ARFGEF3: variants seen among roughly 807,000 people sequenced by gnomAD.
The protein encoded by ARFGEF3 is brefeldin A-inhibited guanine nucleotide-exchange protein 3.
Under a neutral mutation model 221.7 loss-of-function variants are expected in ARFGEF3, and 96 were observed. That is an observed-to-expected ratio of 0.43 (90% CI 0.37 to 0.51). The LOEUF (loss-of-function observed/expected upper bound fraction) is 0.51, where lower values mean the gene tolerates loss of function less well. Ranked by LOEUF, ARFGEF3 falls within the 20% of genes least tolerant of loss-of-function variation. ARFGEF3 has a pLI of 0.00. For synonymous variants in ARFGEF3, 1,145 were observed against 1,126.8 expected, an observed-to-expected ratio of 1.02 and a Z score of -0.32; for missense variants, 2,410 against 2,789.9, an observed-to-expected ratio of 0.86 and a Z score of 3.07.
At chr6:138,241,809 A>G (rs1001059364) in intron 6 of ARFGEF3, among the ~76,000 whole-genome samples, 2 of 152,262 alleles carry the variant, frequency 1.3e-5, no homozygotes, top group East Asian at 1.9e-4. Flanking sequence ...AGGACAGACG[A>G]TAATTTTGAT....
Position 138,343,521 on chromosome 6 carries a change from G to A in ARFGEF3, c.*7035G>A, listed in dbSNP as rs1780466597. ...TTTTTGGAAATTATGTGTGCATTTAGTTCTTTTAGTAACACTGATTTTAAA... is the reference window on the plus strand; with the variant it reads ...TTTTTGGAAATTATGTGTGCATTTAATTCTTTTAGTAACACTGATTTTAAA... On this transcript the variant is annotated 3_prime_UTR_variant, in exon 34 of 34. Coordinates refer to ENST00000251691, the MANE Select transcript of ARFGEF3 (RefSeq NM_020340.5). 1 of 151,338 alleles carries A rather than the reference G, an allele frequency of 6.6e-6. No homozygotes were observed. Among genetic ancestry groups the A allele is most frequent in the Non-Finnish European group, 1.5e-5 (1 of 67,896 alleles). 9.4% of individuals were successfully genotyped at this position (151,338 alleles called of 1,614,324 possible). A position where few individuals can be genotyped will look rare whatever the true frequency, so the allele number is the denominator to read the frequency against.
chr6:138,321,201 CCA>C lies in ARFGEF3; in HGVS notation c.4743_4744del (p.Arg1582SerfsTer7). 1.9e-6 allele frequency: 3 copies of C among 1,554,562 alleles called. No individual in the cohort carries two copies. Among genetic ancestry groups the C allele is most frequent in the Non-Finnish European group, 2.6e-6 (3 of 1,146,460 alleles). Reference sequence around the variant, plus strand: ...GTGGCCAAGCCCACTGAAACCATCTCCAGAGTGGGCTGCTCCTGTATTAGGTG... The same window carrying C: ...GTGGCCAAGCCCACTGAAACCATCTCGAGTGGGCTGCTCCTGTATTAGGTG... On this transcript the variant is annotated frameshift_variant, in exon 29 of 34. Transcript: ENST00000251691. LOFTEE classifies it high-confidence loss of function.
chr6:138,296,930 G>C lies in ARFGEF3; in HGVS notation c.3623G>C (p.Ser1208Thr). The C allele has an allele frequency of 2.5e-6, 4 of 1,613,606 alleles. No homozygotes were observed. The highest frequency in any genetic ancestry group is 3.4e-6 in the Non-Finnish European group (4 of 1,179,758). ...CTGCTCCACGTGATGCGCTGCTGGA[G>C]CCTTGTGGCCCCACACCTGGTGGAG... ...RPLLHVMRCWSLVAPHLVEAA... is the reference protein window; with the variant it reads ...RPLLHVMRCWTLVAPHLVEAA... The change falls in exon 21 of 34, where the codon AGC becomes ACC. Residue 1208 changes from serine (S) to threonine (T), a missense_variant. Around this residue, in one of 5 missense-constraint regions of ARFGEF3, gnomAD observed 723 missense variants for 991.9 expected, o/e 0.73. Transcript: ENST00000251691.
At chr6:138,312,164 A>T (rs868485534) in intron 25 of ARFGEF3, among the ~76,000 whole-genome samples, 18 of 152,040 alleles carry the variant, frequency 1.2e-4, no homozygotes, top group East Asian at 3.9e-4. Flanking sequence ...TCAAAAAAAA[A>T]TTTTTTTTAA....
At chr6:138,212,735 A>G (rs1777755460) in intron 4 of ARFGEF3, among the ~76,000 whole-genome samples, 1 of 152,228 alleles carries the variant, frequency 6.6e-6, no homozygotes. Context: ...AGGGACATGG[A>G]TGAAGCTGAA....
chr6:138,334,510 C>T lies in ARFGEF3; in HGVS notation c.5664C>T (p.Ser1888=). ...GGCGGGCACGGATGCCCTTGCTCAG[C>T]GTCCAGCCTGTCAGCAACGCAGATT... is the stretch of plus-strand genomic sequence containing the variant. ...RQWRARMPLL[S]VQPVSNADWV... The change falls in exon 33 of 34, where the codon AGC becomes AGT. Residue 1888 remains serine, a synonymous_variant. Transcript: ENST00000251691. This position sits in a 1 kb window ranked among gnomAD's most constrained non-coding sequence, Gnocchi z 5.1. 2 of 1,611,678 alleles carry T rather than the reference C, an allele frequency of 1.2e-6. No individual in the cohort carries two copies.
intron 14 of ARFGEF3, among the ~76,000 whole-genome samples, chr6:138,282,888 A>C (rs1779222730): frequency 6.6e-6 from 1 of 152,016 alleles, no homozygotes; most frequent in African/African-American, 2.4e-5. Context: ...ATCTCTACAA[A>C]AAAAATACAA....
intron 31 of ARFGEF3, among the ~76,000 whole-genome samples, chr6:138,326,179 C>A (rs1162256279): frequency 6.6e-6 from 1 of 151,816 alleles, no homozygotes; most frequent in African/African-American, 2.4e-5. Context: ...CTTAATACTT[C>A]TCTATTTCTT....
Position 138,255,713 on chromosome 6 carries a change from G to A in ARFGEF3, c.1048G>A (p.Val350Met). 6.2e-7 allele frequency: 1 copy of A among 1,610,122 alleles called. No individual in the cohort carries two copies. The highest frequency in any genetic ancestry group is 8.5e-7 in the Non-Finnish European group (1 of 1,177,492). The change falls in exon 10 of 34, where the codon GTG (valine) becomes ATG (methionine). Residue 350 changes from valine (V) to methionine (M), a missense_variant. Around this residue, in one of 5 missense-constraint regions of ARFGEF3, gnomAD observed 570 missense variants for 586.9 expected, o/e 0.97. Transcript: ENST00000251691. ...KPVLQSLYHR[V>M]LLYPPPQHRV... ...CGTGCTCCAGTCCCTCTACCACCGA[G>A]TGCTGCTCTACCCCCCACCCCAGCA... is the stretch of plus-strand genomic sequence containing the variant.
chr6:138,291,915 C>A lies in ARFGEF3; in HGVS notation c.3230C>A (p.Pro1077His). ...CAGGGGCGCTCCCTGAGCACGGCCCCTGTCGTCCAGCCCCTGTCCATCCAG... is the reference window on the plus strand; with the variant it reads ...CAGGGGCGCTCCCTGAGCACGGCCCATGTCGTCCAGCCCCTGTCCATCCAG... ...PEQGRSLSTA[P>H]VVQPLSIQDL... is the part of the protein sequence containing the mutation. Residue 1077 changes from proline (P) to histidine (H), a missense_variant, in exon 19 of 34, where the codon CCT becomes CAT. By Grantham distance (77) the Pro-to-His change is moderately conservative. Around this residue, in one of 5 missense-constraint regions of ARFGEF3, gnomAD observed 184 missense variants for 141.8 expected, o/e 1.30. Coordinates refer to ENST00000251691, the MANE Select transcript of ARFGEF3 (RefSeq NM_020340.5). The surrounding 1 kb of genome is among the most constrained non-coding windows in gnomAD (Gnocchi z 4.5). 6.7e-7 allele frequency: 1 copy of A among 1,491,352 alleles called. No homozygotes were observed. Among genetic ancestry groups the A allele is most frequent in the Non-Finnish European group, 9.0e-7 (1 of 1,116,768 alleles). The allele number at this position is 1,491,352 out of a possible 1,614,324, so 92.4% of individuals were successfully genotyped here.
intron 26 of ARFGEF3, among the ~76,000 whole-genome samples, chr6:138,314,465 G>A (rs1366761825): frequency 1.3e-5 from 2 of 152,050 alleles, no homozygotes; most frequent in Admixed American, 6.6e-5. Context: ...TCTCACATGC[G>A]GAATACATTA....
chr6:138,164,103 G>T (rs1445107186), intron 1 of ARFGEF3, among the ~76,000 whole-genome samples: 1 of 152,206 alleles, frequency 6.6e-6, no homozygotes, highest in Non-Finnish European at 1.5e-5. Flanking sequence ...TTTGTTAGAA[G>T]GGCATGCTGG....
chr6:138,216,924 C>G (rs926382006), intron 4 of ARFGEF3: 1 of 152,216 alleles, frequency 6.6e-6, no homozygotes, highest in Non-Finnish European at 1.5e-5. Context: ...CCTCTTCCTG[C>G]TCATAAGGTT....
chr6:138,298,176 A>G, intron 21 of ARFGEF3, among the ~76,000 whole-genome samples: 1 of 152,170 alleles, frequency 6.6e-6, no homozygotes, highest in African/African-American at 2.4e-5. Flanking sequence ...TCTGTAAACC[A>G]ATTAGAGCTA....
At position 138,339,440 on chromosome 6, in the gene ARFGEF3, G is replaced by C. The variant is rs893680340; in HGVS notation, c.*2954G>C. The C allele has an allele frequency of 6.6e-6, 1 of 152,120 alleles. No homozygotes were observed. Among genetic ancestry groups the C allele is most frequent in the African/African-American group, 2.4e-5 (1 of 41,428 alleles). 9.4% of individuals were successfully genotyped at this position (152,120 alleles called of 1,614,324 possible). Reference sequence around the variant, plus strand: ...ATTCAAGGCAGCCTTTTAAAGTTACGAACAGTTATTAGCATGTATTTACAG... The same window carrying C: ...ATTCAAGGCAGCCTTTTAAAGTTACCAACAGTTATTAGCATGTATTTACAG... On this transcript the variant is annotated 3_prime_UTR_variant, in exon 34 of 34. Transcript: ENST00000251691.
intron 2 of ARFGEF3, among the ~76,000 whole-genome samples, chr6:138,191,520 G>A (rs1019106104): frequency 3.9e-5 from 6 of 152,050 alleles, no homozygotes; most frequent in Middle Eastern, 3.2e-3. Context: ...CGCTGGCTGT[G>A]GGGGTTTCTC....
chr6:138,299,198 TAAAAAAAAAAAAA>T, intron 22 of ARFGEF3, among the ~76,000 whole-genome samples: 1 of 39,440 alleles, frequency 2.5e-5, no homozygotes, highest in Middle Eastern at 0.026. Flanking sequence ...CGAGACTCTG[TAAAAAAAAAAAAA>T]AAAAAAAAAA....
chr6:138,268,101 G>A (rs1778930421), intron 12 of ARFGEF3, among the ~76,000 whole-genome samples: 1 of 152,116 alleles, frequency 6.6e-6, no homozygotes, highest in Non-Finnish European at 1.5e-5. Context: ...TCAGCCACTG[G>A]GTGCTGGCCT....
At position 138,336,322 on chromosome 6, in the gene ARFGEF3, CTCAA is replaced by C; in HGVS notation, c.6374_6377del (p.Asn2125ArgfsTer24). ...ATGGACCAACATGGTGCTAACAGTT[CTCAA>C]TCAGATTCAGATTCTCCCAGACCAG... On this transcript the variant is annotated frameshift_variant, in exon 34 of 34. Coordinates refer to ENST00000251691, the MANE Select transcript of ARFGEF3 (RefSeq NM_020340.5). LOFTEE classifies it high-confidence loss of function. 2 of 1,599,668 alleles carry C rather than the reference CTCAA, an allele frequency of 1.3e-6. No homozygotes were observed. Among genetic ancestry groups the C allele is most frequent in the Non-Finnish European group, 1.7e-6 (2 of 1,173,568 alleles).
Sources: gnomAD v4.1 joint callset for allele counts (sites outside exome capture counted in the v4.1 genomes callset) on GRCh38, gnomAD v4.1.1 for gene constraint, gnomAD v4.1.1 regional missense constraint, Gnocchi (gnomAD v3.1) non-coding constraint, MANE v1.5 for transcripts, NCBI Gene and HGNC (gene_info 2026-07-23, HGNC 2026-07-21) for gene names.